ARMC9: variants seen among roughly 807,000 people sequenced by gnomAD.
The protein encoded by ARMC9 is armadillo repeat containing 9.
Under a neutral mutation model 107.0 loss-of-function variants are expected in ARMC9, and 94 were observed. That is an observed-to-expected ratio of 0.88 (90% CI 0.74 to 1.04). ARMC9 has a LOEUF of 1.04. ARMC9 is among the 50% of genes least tolerant of loss of function. ARMC9 has a pLI of 0.00. For missense variants in ARMC9, 942 were observed against 1,030.1 expected, an observed-to-expected ratio of 0.91 and a Z score of 1.17; for synonymous variants, 380 against 396.9, an observed-to-expected ratio of 0.96 and a Z score of 0.51.
chr2:231,272,716 A>T (rs1024731095), intron 13 of ARMC9, among the ~76,000 whole-genome samples: 4 of 148,542 alleles, frequency 2.7e-5, no homozygotes, highest in African/African-American at 1.0e-4. Context: ...GGGTTTCACC[A>T]TGTTGGCCAG....
At chr2:231,204,580 G>T (rs528000381) in intron 1 of ARMC9, among the ~76,000 whole-genome samples, 219 of 152,122 alleles carry the variant, frequency 1.4e-3, no homozygotes, top group Non-Finnish European at 2.7e-3. Context: ...CCATGTTTTT[G>T]AGCCTGTACT....
At chr2:231,340,184 T>C (rs532895488) in intron 20 of ARMC9, among the ~76,000 whole-genome samples, 1 of 152,290 alleles carries the variant, frequency 6.6e-6, no homozygotes, top group African/African-American at 2.4e-5. Context: ...CCAAATTATA[T>C]GGGGAGGCTA....
At chr2:231,353,973 G>A (rs73994585) in intron 21 of ARMC9, among the ~76,000 whole-genome samples, 14,400 of 124,916 alleles carry the variant, frequency 0.12, 1,304 homozygotes, top group African/African-American at 0.44. Flanking sequence ...CAGCATATAT[G>A]TATATATACA....
intron 5 of ARMC9, among the ~76,000 whole-genome samples, chr2:231,221,383 G>A (rs899171595): frequency 6.6e-6 from 1 of 152,044 alleles, no homozygotes; most frequent in African/African-American, 2.4e-5. Context: ...CATCTGCAAC[G>A]ACCCCATTCC....
intron 19 of ARMC9, among the ~76,000 whole-genome samples, chr2:231,308,479 G>A (rs1283506233): frequency 1.3e-5 from 2 of 152,142 alleles, no homozygotes; most frequent in East Asian, 3.9e-4. Flanking sequence ...GGACCTGCAG[G>A]AGTTGGGAAC....
rs150578600 is a variant in ARMC9, at chr2:231,325,089, T to C, written c.1774-6704T>C. Among the ~76,000 whole-genome samples the C allele has an allele frequency of 3.2e-3, 490 of 152,228 alleles. 3 individuals are homozygous for C. Among genetic ancestry groups the C allele is most frequent in the African/African-American group, 0.012 (478 of 41,544 alleles). ...AAATACAAAAATTAGCCAGGCGTAC[T>C]GGTACATGCCTGTGGTCCCAGCTAC... On this transcript the variant is annotated intron_variant, in intron 19 of 24. Transcript: ENST00000611582.
intron 5 of ARMC9, among the ~76,000 whole-genome samples, chr2:231,218,759 T>G (rs527634787): frequency 2.6e-4 from 39 of 148,746 alleles, no homozygotes; most frequent in African/African-American, 8.0e-4. Flanking sequence ...AGTCTTTTGT[T>G]TTTTTTTTTG....
chr2:231,248,427 G>C (rs753290376), intron 9 of ARMC9, among the ~76,000 whole-genome samples: 3 of 152,144 alleles, frequency 2.0e-5, no homozygotes, highest in Admixed American at 1.3e-4. Flanking sequence ...ACAGGCATCC[G>C]ATCATATTAC....
intron 12 of ARMC9, among the ~76,000 whole-genome samples, chr2:231,268,935 C>T (rs1464854380): frequency 4.6e-5 from 7 of 152,002 alleles, no homozygotes; most frequent in East Asian, 1.9e-4. Context: ...GGCATGTTGG[C>T]GTGCACCTGT....
chr2:231,337,261 C>CGTGT (rs1491364092), intron 20 of ARMC9, among the ~76,000 whole-genome samples: 1 of 119,082 alleles, frequency 8.4e-6, no homozygotes, highest in African/African-American at 3.3e-5. Flanking sequence ...AATGTCTATA[C>CGTGT]GTGTGTGTGT....
chr2:231,312,019 T>A (rs1186683571), intron 19 of ARMC9, among the ~76,000 whole-genome samples: 7 of 152,134 alleles, frequency 4.6e-5, no homozygotes, highest in Non-Finnish European at 1.0e-4. Context: ...TCTGGCTCAT[T>A]TGATCAATGT....
At chr2:231,277,753 G>A (rs750225685) in intron 15 of ARMC9, among the ~76,000 whole-genome samples, 30 of 151,758 alleles carry the variant, frequency 2.0e-4, no homozygotes, top group Non-Finnish European at 4.3e-4. Flanking sequence ...AGTAGGGAGG[G>A]GGTTTTACCA....
At chr2:231,309,376 G>T (rs1308277933) in intron 19 of ARMC9, among the ~76,000 whole-genome samples, 1 of 152,178 alleles carries the variant, frequency 6.6e-6, no homozygotes, top group African/African-American at 2.4e-5. Context: ...TACCAAAGCA[G>T]TGATGAGTTT....
chr2:231,359,601 ACAGCTTTGTGACTC>A (rs1307437094), intron 22 of ARMC9, among the ~76,000 whole-genome samples: 1 of 152,192 alleles, frequency 6.6e-6, no homozygotes, highest in Non-Finnish European at 1.5e-5. Flanking sequence ...TGGCGTGGGC[ACAGCTTTGTGACTC>A]CACACGTTGT....
At chr2:231,352,614 G>A (rs184097417) in intron 21 of ARMC9, among the ~76,000 whole-genome samples, 77 of 151,286 alleles carry the variant, frequency 5.1e-4, no homozygotes, top group Admixed American at 1.4e-3. Flanking sequence ...GTGAGCCACC[G>A]CACCCACTGC....
intron 9 of ARMC9, chr2:231,256,159 C>T (rs1357594266): frequency 3.9e-6 from 6 of 1,533,766 alleles, no homozygotes; most frequent in South Asian, 1.2e-5. Flanking sequence ...TGGGCAGGAC[C>T]GGCTCTCAGG....
chr2:231,236,712 G>C (rs2035746141), intron 8 of ARMC9, among the ~76,000 whole-genome samples: 1 of 152,178 alleles, frequency 6.6e-6, no homozygotes, highest in African/African-American at 2.4e-5. Context: ...AGGCTGAGGT[G>C]GGCAGATCAT....
chr2:231,273,022 C>G lies in ARMC9; in HGVS notation c.1278C>G (p.Asp426Glu), dbSNP rs760868284. Residue 426 changes from aspartate to glutamate, a missense_variant, in exon 14 of 25, where the codon GAC (aspartate) becomes GAG (glutamate). Coordinates refer to ENST00000611582, the MANE Select transcript of ARMC9 (RefSeq NM_001352754.2). The stretch of plus-strand genomic sequence containing the variant: ...TGGAGGGAAGGCTGAAGGAGGAGGA[C>G]AAGGATATCATCACCAGGGAGAATG... ...QMLEGRLKEE[D>E]KDIITRENVL... 6.2e-7 allele frequency: 1 copy of G among 1,613,926 alleles called. No individual in the cohort carries two copies. The highest frequency in any genetic ancestry group is 1.1e-5 in the South Asian group (1 of 91,074).
intron 17 of ARMC9, 129 bp downstream of exon 17, chr2:231,282,262 T>C (rs2040273748): frequency 1.1e-6 from 1 of 897,122 alleles, no homozygotes; most frequent in Admixed American, 2.3e-5. Context: ...TGAAATTGTA[T>C]GTAAAATGTA....
Sources: gnomAD v4.1 joint callset for allele counts (sites outside exome capture counted in the v4.1 genomes callset) on GRCh38, gnomAD v4.1.1 for gene constraint, MANE v1.5 for transcripts, NCBI Gene and HGNC (gene_info 2026-07-23, HGNC 2026-07-21) for gene names.